The following DPP6 variants were observed in gnomAD, a reference collection of about 807,000 sequenced individuals.
DPP6 encodes the protein A-type potassium channel modulatory protein DPP6.
A neutral mutation model predicts 122.6 loss-of-function variants in DPP6; 69 were observed. The ratio of observed to expected loss-of-function variants is 0.56; its 90% CI spans 0.46 to 0.69. The LOEUF (loss-of-function observed/expected upper bound fraction) is 0.69, where lower values mean the gene tolerates loss of function less well. Among genes scored for constraint, DPP6 ranks in the 30% least tolerant of loss-of-function variants. The pLI, the probability that DPP6 is intolerant of heterozygous loss-of-function variation, is 0.00. For missense variants in DPP6, 928 were observed against 1,116.9 expected (o/e 0.83, Z 2.41); for synonymous variants, 418 against 433.1 (o/e 0.97, Z 0.43).
At chr7:153,860,686 C>A in the DPP6 span, among the ~76,000 whole-genome samples, 10 of 151,138 alleles carry the variant, frequency 6.6e-5, no homozygotes, top group Admixed American at 5.3e-4. Context: ...ATTAAACTTT[C>A]CTTCACTTCC....
chr7:154,248,267 A>G (rs1802119119), intron 1 of DPP6, among the ~76,000 whole-genome samples: 1 of 152,202 alleles, frequency 6.6e-6, no homozygotes, highest in South Asian at 2.1e-4. Flanking sequence ...CTTTCAGACC[A>G]TTAAAGTGAA....
Position 153,970,729 on chromosome 7 carries a change from T to C in DPP6, c.51+82995T>C, listed in dbSNP as rs1337877930. 6.6e-5 allele frequency among the ~76,000 whole-genome samples: 10 copies of C among 152,318 alleles called. No homozygotes were observed. In the East Asian group the frequency reaches 1.9e-3, roughly 29 times the overall value. On this transcript the variant is annotated intron_variant, in intron 1 of 25. Transcript: ENST00000404039. ...GGTATGTGGATGTCCAGTTTGTTCA[T>C]GTTATGTTGAAATGGTGATTGTCTC...
At chr7:154,749,497 AT>A (rs1843239212) in intron 8 of DPP6, among the ~76,000 whole-genome samples, 1 of 130,290 alleles carries the variant, frequency 7.7e-6, no homozygotes, top group Non-Finnish European at 1.7e-5. Context: ...AGAGAGAGGG[AT>A]GGAGGCTTTA....
the DPP6 span, among the ~76,000 whole-genome samples, chr7:153,827,936 C>T: frequency 1.0e-3 from 157 of 152,176 alleles, no homozygotes; most frequent in Non-Finnish European, 1.8e-3. Context: ...CTAGTAGAGT[C>T]GGGATGGTCA....
chr7:154,035,263 A>G (rs1489592338), intron 1 of DPP6, among the ~76,000 whole-genome samples: 3 of 152,374 alleles, frequency 2.0e-5, no homozygotes, highest in Middle Eastern at 3.4e-3. Context: ...GTAAAGAACT[A>G]TGATGTGGTC....
At chr7:154,592,690 G>A (rs188002950) in intron 5 of DPP6, among the ~76,000 whole-genome samples, 4 of 152,252 alleles carry the variant, frequency 2.6e-5, no homozygotes, top group African/African-American at 4.8e-5. Context: ...CCTGTGATCC[G>A]AGGAGGGGTC....
At chr7:154,522,387 G>GT (rs1489479867) in intron 3 of DPP6, among the ~76,000 whole-genome samples, 4 of 152,112 alleles carry the variant, frequency 2.6e-5, no homozygotes, top group South Asian at 2.1e-4. Flanking sequence ...AGAGGCCTGC[G>GT]TGAGGCCCTT....
chr7:154,569,099 A>T (rs1830949850), intron 5 of DPP6, among the ~76,000 whole-genome samples: 1 of 152,088 alleles, frequency 6.6e-6, no homozygotes, highest in Non-Finnish European at 1.5e-5. Context: ...CAAAATATGT[A>T]ATAAAAGGAT....
chr7:153,864,633 G>A, the DPP6 span, among the ~76,000 whole-genome samples: 1 of 149,390 alleles, frequency 6.7e-6, no homozygotes, highest in Non-Finnish European at 1.5e-5. Flanking sequence ...CTCCAGCCTG[G>A]GCAACAGAGC....
intron 3 of DPP6, among the ~76,000 whole-genome samples, chr7:154,479,568 A>AC (rs1253825665): frequency 1.6e-5 from 2 of 122,544 alleles, no homozygotes; most frequent in East Asian, 2.3e-4. Context: ...AAAAAAAAAA[A>AC]AAAAAAGAAA....
At chr7:154,611,654 T>G (rs1360592045) in intron 5 of DPP6, among the ~76,000 whole-genome samples, 2 of 152,212 alleles carry the variant, frequency 1.3e-5, no homozygotes, top group Non-Finnish European at 2.9e-5. Context: ...TGTATGTTAT[T>G]TATTTTTTGA....
intron 1 of DPP6, among the ~76,000 whole-genome samples, chr7:154,076,029 G>C (rs972436003): frequency 2.0e-5 from 3 of 151,402 alleles, no homozygotes; most frequent in African/African-American, 7.3e-5. Context: ...CCAGTTATCT[G>C]TCCTTCAGCG....
At chr7:154,417,163 C>T (rs918537115) in intron 1 of DPP6, among the ~76,000 whole-genome samples, 3 of 152,158 alleles carry the variant, frequency 2.0e-5, no homozygotes, top group South Asian at 4.1e-4. Context: ...ACTTGACTTT[C>T]GGGTGATCTC....
chr7:154,281,209 C>T (rs1804489178), intron 1 of DPP6, among the ~76,000 whole-genome samples: 1 of 151,966 alleles, frequency 6.6e-6, no homozygotes, highest in Non-Finnish European at 1.5e-5. Context: ...GACGGGGTTT[C>T]ACTATGTTGG....
At chr7:154,157,465 A>G (rs1374496487) in intron 1 of DPP6, among the ~76,000 whole-genome samples, 3 of 152,216 alleles carry the variant, frequency 2.0e-5, no homozygotes, top group Non-Finnish European at 4.4e-5. Context: ...AAAGTAATGT[A>G]TGCACAACGT....
chr7:154,893,451 T>TAAAAAAAAAAAAA lies in DPP6; in HGVS notation c.*971_*972insAAAAAAAAAAAAA, dbSNP rs775016101. The TAAAAAAAAAAAAA allele has an allele frequency of 3.6e-4, 22 of 61,328 alleles. 2 individuals are homozygous for TAAAAAAAAAAAAA. Among genetic ancestry groups the TAAAAAAAAAAAAA allele is most frequent in the African/African-American group, 8.5e-4 (17 of 19,886 alleles). The allele number at this position is 61,328 out of a possible 1,614,324, so 3.8% of individuals were successfully genotyped here. On this transcript the variant is annotated 3_prime_UTR_variant, in exon 26 of 26. Transcript: ENST00000377770. ...CAAGCTCTTTCCCATGACATTTGGT[T>TAAAAAAAAAAAAA]TAAAAAAAAAAAAAAAAAAAAAAAA...
chr7:154,748,503 C>T (rs766388265), intron 8 of DPP6, among the ~76,000 whole-genome samples: 3 of 152,164 alleles, frequency 2.0e-5, no homozygotes, highest in East Asian at 1.9e-4. Flanking sequence ...CCAACACCCG[C>T]GGCACTAGAC....
At chr7:154,079,430 A>G (rs1036582876) in intron 1 of DPP6, among the ~76,000 whole-genome samples, 1 of 152,202 alleles carries the variant, frequency 6.6e-6, no homozygotes, top group Non-Finnish European at 1.5e-5. Context: ...TACTGCGCAA[A>G]TGAAGGGTGG....
chr7:154,521,272 C>T (rs960315985), intron 3 of DPP6, among the ~76,000 whole-genome samples: 1 of 152,112 alleles, frequency 6.6e-6, no homozygotes, highest in African/African-American at 2.4e-5. Context: ...CCCCTCTCAA[C>T]ATTTGAAAGC....
Sources: allele counts gnomAD v4.1 joint callset (sites outside exome capture counted in the v4.1 genomes callset), GRCh38; gene constraint gnomAD v4.1.1; transcripts MANE v1.5; gene names NCBI Gene and HGNC (gene_info 2026-07-23, HGNC 2026-07-21).